Variants in SLC20A2 observed in about 807,000 individuals in gnomAD.
SLC20A2 encodes solute carrier family 20 member 2.
SLC20A2 carries 30 observed loss-of-function variants against 61.0 expected under a neutral mutation model. That is an observed-to-expected ratio of 0.49 (90% CI 0.37 to 0.67). The LOEUF (loss-of-function observed/expected upper bound fraction) is 0.67. Among genes scored for constraint, SLC20A2 ranks in the 30% least tolerant of loss-of-function variants. The probability of loss-of-function intolerance (pLI) is 0.00; values close to 1 mark genes in which losing one functional copy is unlikely to be tolerated. For synonymous variants in SLC20A2, 351 were observed against 353.3 expected (o/e 0.99, Z 0.07); for missense variants, 626 against 866.4 (o/e 0.72, Z 3.48).
In SLC20A2 at chr8:42,437,501, G is replaced by T. The variant is rs116359869; in HGVS notation, c.1011C>A (p.Thr337=). The T allele has an allele frequency of 3.3e-3, 5,374 of 1,614,124 alleles. 154 individuals carry two copies. The African/African-American group carries it at 0.059, about 18-fold the overall frequency. Residue 337 remains threonine (T), a synonymous_variant, in exon 8 of 11, where the codon ACC becomes ACA. Coordinates refer to ENST00000520262, the MANE Select transcript of SLC20A2 (RefSeq NM_001257180.2). The surrounding 1 kb of genome is among the most constrained non-coding windows in gnomAD (Gnocchi z 6.4). The part of the protein sequence containing the change: ...SNGTFGFDGH[T]RSDGHVYHTV... Reference sequence around the variant, plus strand: ...TGTGGTACACATGACCGTCGCTCCTGGTGTGGCCGTCGAAGCCGAAGGTGC... The same window carrying T: ...TGTGGTACACATGACCGTCGCTCCTTGTGTGGCCGTCGAAGCCGAAGGTGC...
Position 42,428,869 on chromosome 8 carries a change from C to G in SLC20A2, c.1710-27G>C, listed in dbSNP as rs1214155377. The stretch of plus-strand genomic sequence containing the variant: ...TGTGGGGGGAGCATGAGACACGTCA[C>G]AGGTGCCCTCTGTATCAGCCTCCCT... On this transcript the variant is annotated intron_variant, in intron 9 of 10. Transcript: ENST00000520262. 7.1e-6 allele frequency: 11 copies of G among 1,542,532 alleles called. No homozygotes were observed. The African/African-American group carries it at 1.4e-4, about 19-fold the overall frequency.
At chr8:42,480,940 C>T (rs1468296703) in intron 1 of SLC20A2, among the ~76,000 whole-genome samples, 3 of 152,172 alleles carry the variant, frequency 2.0e-5, no homozygotes, top group African/African-American at 7.2e-5. Context: ...GGATTACAGA[C>T]GTGAGCCACT....
chr8:42,540,706 T>C (rs144268024), intron 1 of SLC20A2, among the ~76,000 whole-genome samples: 41 of 152,358 alleles, frequency 2.7e-4, no homozygotes, highest in African/African-American at 9.9e-4. Context: ...ACCAGTCAGC[T>C]GGTCCTAGAG....
intron 1 of SLC20A2, among the ~76,000 whole-genome samples, chr8:42,511,394 C>A (rs999135971): frequency 1.3e-5 from 2 of 152,040 alleles, no homozygotes; most frequent in Non-Finnish European, 2.9e-5. Context: ...TTTGGGAGGC[C>A]AAGGCAGGCG....
chr8:42,455,257 T>TATATATAGAG (rs1357416749), intron 5 of SLC20A2, among the ~76,000 whole-genome samples: 7 of 81,618 alleles, frequency 8.6e-5, no homozygotes, highest in African/African-American at 2.6e-4. Flanking sequence ...TATATATATA[T>TATATATAGAG]AGAGAGAGAG....
intron 1 of SLC20A2, among the ~76,000 whole-genome samples, chr8:42,506,911 G>T (rs561161926): frequency 2.0e-4 from 31 of 152,340 alleles, no homozygotes; most frequent in Admixed American, 1.4e-3. Context: ...GGTGCATGGG[G>T]GCTCACCCTC....
At chr8:42,498,884 C>T (rs1810133556) in intron 1 of SLC20A2, among the ~76,000 whole-genome samples, 2 of 152,338 alleles carry the variant, frequency 1.3e-5, no homozygotes, top group Middle Eastern at 3.4e-3. Context: ...CCATTAAAAC[C>T]TCATGTGAGG....
intron 1 of SLC20A2, among the ~76,000 whole-genome samples, chr8:42,500,422 T>C (rs1227745093): frequency 6.6e-6 from 1 of 152,230 alleles, no homozygotes; most frequent in East Asian, 1.9e-4. Context: ...TTGGTTACTT[T>C]TGATAACTAA....
chr8:42,475,231 T>C (rs1480455482), intron 1 of SLC20A2, among the ~76,000 whole-genome samples: 1 of 151,770 alleles, frequency 6.6e-6, no homozygotes, highest in Non-Finnish European at 1.5e-5. Flanking sequence ...TCCTCAGTAG[T>C]TGGGACTACA....
intron 1 of SLC20A2, among the ~76,000 whole-genome samples, chr8:42,528,572 G>C (rs1006643619): frequency 3.9e-5 from 6 of 152,144 alleles, no homozygotes; most frequent in African/African-American, 1.4e-4. Flanking sequence ...GAAAGCACAG[G>C]ATTTAATCAG....
chr8:42,444,266 T>C (rs909244070), intron 6 of SLC20A2, among the ~76,000 whole-genome samples: 1 of 152,230 alleles, frequency 6.6e-6, no homozygotes, highest in South Asian at 2.1e-4. Flanking sequence ...TCCAATTATT[T>C]CACTTCTTCA....
chr8:42,533,654 C>CTTTTTTTTTTTTTTTTT (rs1162369065), intron 1 of SLC20A2, among the ~76,000 whole-genome samples: 28 of 55,288 alleles, frequency 5.1e-4, no homozygotes, highest in South Asian at 7.8e-4. Context: ...ATCAACTGTT[C>CTTTTTTTTTTTTTTTTT]TTTTTTTTTT....
intron 4 of SLC20A2, among the ~76,000 whole-genome samples, chr8:42,461,220 C>G (rs1273580078): frequency 5.9e-5 from 9 of 152,066 alleles, no homozygotes. Flanking sequence ...TGGGCTGGAG[C>G]CTGGCATGAG....
At chr8:42,496,709 A>G (rs1809952280) in intron 1 of SLC20A2, among the ~76,000 whole-genome samples, 1 of 152,250 alleles carries the variant, frequency 6.6e-6, no homozygotes, top group African/African-American at 2.4e-5. Flanking sequence ...GAGCTGACAC[A>G]CAGATAATAC....
At chr8:42,517,689 T>TC (rs1323407902) in intron 1 of SLC20A2, among the ~76,000 whole-genome samples, 2 of 152,152 alleles carry the variant, frequency 1.3e-5, no homozygotes, top group South Asian at 2.1e-4. Context: ...TTGCCAGGAT[T>TC]CATTAGTATC....
At chr8:42,517,382 CA>C (rs2131390116) in intron 1 of SLC20A2, among the ~76,000 whole-genome samples, 1 of 132,878 alleles carries the variant, frequency 7.5e-6, no homozygotes, top group East Asian at 2.2e-4. Flanking sequence ...AAAAAAAAAA[CA>C]ATAATAAAAT....
intron 10 of SLC20A2, among the ~76,000 whole-genome samples, chr8:42,426,693 A>AAAAAC (rs141880455): frequency 0.013 from 1,925 of 151,744 alleles, 40 homozygotes; most frequent in African/African-American, 0.038. Context: ...ACTCCATCTC[A>AAAAAC]AAAACAAAAC....
At chr8:42,446,022 T>A (rs1180696896) in intron 5 of SLC20A2, among the ~76,000 whole-genome samples, 6 of 152,280 alleles carry the variant, frequency 3.9e-5, no homozygotes. Flanking sequence ...GGTCTTGCGA[T>A]GTTGCCCAGG....
At chr8:42,539,438 T>C (rs1164227223) in intron 1 of SLC20A2, among the ~76,000 whole-genome samples, 1 of 152,208 alleles carries the variant, frequency 6.6e-6, no homozygotes, top group Non-Finnish European at 1.5e-5. Context: ...AAACTTACTA[T>C]TAATGCACAA....
Sources: allele counts gnomAD v4.1 joint callset (sites outside exome capture counted in the v4.1 genomes callset), GRCh38; gene constraint gnomAD v4.1.1; non-coding constraint Gnocchi (gnomAD v3.1); transcripts MANE v1.5; gene names NCBI Gene and HGNC (gene_info 2026-07-23, HGNC 2026-07-21).